SDK1: variants seen among roughly 807,000 people sequenced by gnomAD.
The protein encoded by SDK1 is sidekick cell adhesion molecule 1.
A neutral mutation model predicts 245.5 loss-of-function variants in SDK1; 157 were observed. That is an observed-to-expected ratio of 0.64 (90% CI 0.56 to 0.73). The LOEUF (loss-of-function observed/expected upper bound fraction) is 0.73, where lower values mean the gene tolerates loss of function less well. SDK1 is among the 30% of genes least tolerant of loss of function. The pLI, the probability that SDK1 is intolerant of heterozygous loss-of-function variation, is 0.00. For missense variants in SDK1, 3,583 were observed against 3,002.3 expected, an observed-to-expected ratio of 1.19 and a Z score of -4.52; for synonymous variants, 1,647 against 1,278.5, an observed-to-expected ratio of 1.29 and a Z score of -6.15.
intron 30 of SDK1, among the ~76,000 whole-genome samples, chr7:4,152,872 C>A (rs555597465): frequency 9.2e-5 from 14 of 152,140 alleles, no homozygotes; most frequent in African/African-American, 3.4e-4. Flanking sequence ...GGGTCGAGAC[C>A]CCCAGGGAGA....
intron 4 of SDK1, among the ~76,000 whole-genome samples, chr7:3,791,436 T>A (rs750827250): frequency 3.3e-5 from 5 of 152,216 alleles, no homozygotes; most frequent in East Asian, 1.9e-4. Context: ...AAGGAAAGAC[T>A]GACTTCGTGG....
intron 1 of SDK1, among the ~76,000 whole-genome samples, chr7:3,390,906 G>C (rs1781733501): frequency 6.6e-6 from 1 of 152,086 alleles, no homozygotes; most frequent in Non-Finnish European, 1.5e-5. Flanking sequence ...TATGTCTTCT[G>C]ACAAGTAAAA....
In SDK1 at chr7:3,995,717, G is replaced by C. The variant is rs1784651446; in HGVS notation, c.2131+8395G>C. ...GTTTTAGTTTGTGTTTCGACTGCTA[G>C]TATTCTTGAACCCATTCTGCCAAGT... is the stretch of plus-strand genomic sequence containing the variant. On this transcript the variant is annotated intron_variant, in intron 14 of 44. Transcript: ENST00000404826. Among the ~76,000 whole-genome samples the C allele has an allele frequency of 2.0e-5, 3 of 152,166 alleles. No individual in the cohort carries two copies. The South Asian group carries it at 6.2e-4, about 32-fold the overall frequency.
chr7:3,994,136 A>G (rs1290690371), intron 14 of SDK1, among the ~76,000 whole-genome samples: 2 of 152,102 alleles, frequency 1.3e-5, no homozygotes, highest in Non-Finnish European at 2.9e-5. Context: ...ATGCTTTTCT[A>G]GGGATCTCAT....
At position 3,676,412 on chromosome 7, in the gene SDK1, A is replaced by G. The variant is rs945984280; in HGVS notation, c.713+34307A>G. Among the ~76,000 whole-genome samples the G allele has an allele frequency of 6.3e-5, 9 of 143,206 alleles. No homozygotes were observed. The East Asian group carries it at 1.4e-3, about 23-fold the overall frequency. 93.9% of individuals were successfully genotyped at this position (143,206 alleles called of 152,430 possible). ...GCAGTCTCAGCTCAGTGCAAGCTCC[A>G]CCTCCCAGGTTCACACCATTCTCCT... On this transcript the variant is annotated intron_variant, in intron 4 of 44. Transcript: ENST00000404826.
At chr7:4,170,145 A>C (rs568339504) in intron 32 of SDK1, among the ~76,000 whole-genome samples, 1 of 152,316 alleles carries the variant, frequency 6.6e-6, no homozygotes, top group African/African-American at 2.4e-5. Flanking sequence ...GATGCCTTAC[A>C]GAATAAGGGT....
chr7:3,336,527 G>A (rs147633510), intron 1 of SDK1, among the ~76,000 whole-genome samples: 13 of 152,246 alleles, frequency 8.5e-5, no homozygotes, highest in African/African-American at 3.1e-4. Flanking sequence ...ATCATCCCCT[G>A]GTGGGGAGGT....
At chr7:3,608,462 A>G (rs1338533512) in intron 1 of SDK1, among the ~76,000 whole-genome samples, 2 of 152,228 alleles carry the variant, frequency 1.3e-5, no homozygotes, top group East Asian at 1.9e-4. Context: ...AGCTTGTTGC[A>G]TCAATGAAAA....
At chr7:3,760,526 A>G (rs1259050282) in intron 4 of SDK1, among the ~76,000 whole-genome samples, 1 of 152,246 alleles carries the variant, frequency 6.6e-6, no homozygotes, top group Non-Finnish European at 1.5e-5. Flanking sequence ...ATGTTTGCCA[A>G]ATAAATCTCT....
intron 1 of SDK1, among the ~76,000 whole-genome samples, chr7:3,490,486 C>T (rs1781833766): frequency 6.6e-6 from 1 of 152,144 alleles, no homozygotes; most frequent in Non-Finnish European, 1.5e-5. Flanking sequence ...TTCTGTATAT[C>T]ATTTTAAAGA....
At chr7:3,749,102 A>G (rs964287641) in intron 4 of SDK1, among the ~76,000 whole-genome samples, 1 of 152,200 alleles carries the variant, frequency 6.6e-6, no homozygotes, top group African/African-American at 2.4e-5. Flanking sequence ...GATATAATAG[A>G]TAAGTACATG....
At chr7:3,757,613 TAGG>T (rs1779969649) in intron 4 of SDK1, among the ~76,000 whole-genome samples, 2 of 152,128 alleles carry the variant, frequency 1.3e-5, no homozygotes, top group South Asian at 4.1e-4. Flanking sequence ...AGGAGATGCA[TAGG>T]GCAGGTGTGG....
chr7:3,528,740 C>T (rs377522885), intron 1 of SDK1, among the ~76,000 whole-genome samples: 2 of 152,104 alleles, frequency 1.3e-5, no homozygotes, highest in South Asian at 4.2e-4. Context: ...ATTAGATCTG[C>T]AGAATGAGGG....
Position 4,268,493 on chromosome 7 carries a change from GGC to G in SDK1, c.*3110_*3111del. On this transcript the variant is annotated 3_prime_UTR_variant, in exon 45 of 45. Coordinates refer to ENST00000404826, the MANE Select transcript of SDK1 (RefSeq NM_152744.4). Reference sequence around the variant, plus strand: ...TCAATGCTGTAGCCAAAAAACGAGGGGCCCCAGGGAGAGGGGACCCAGATGGC... The same window carrying G: ...TCAATGCTGTAGCCAAAAAACGAGGGCCCAGGGAGAGGGGACCCAGATGGC... 8.5e-7 allele frequency: 1 copy of G among 1,175,384 alleles called. No individual in the cohort carries two copies. The highest frequency in any genetic ancestry group is 1.1e-6 in the Non-Finnish European group (1 of 931,262). 72.8% of individuals were successfully genotyped at this position (1,175,384 alleles called of 1,614,324 possible).
chr7:4,015,764 G>A (rs1786346132), intron 16 of SDK1, among the ~76,000 whole-genome samples: 1 of 152,196 alleles, frequency 6.6e-6, no homozygotes, highest in Non-Finnish European at 1.5e-5. Context: ...CAAGCCCAGA[G>A]GCCACTTGCT....
chr7:3,470,647 T>C (rs1583906490), intron 1 of SDK1, among the ~76,000 whole-genome samples: 1 of 152,106 alleles, frequency 6.6e-6, no homozygotes, highest in African/African-American at 2.4e-5. Context: ...AGGAAAATCT[T>C]ACAAAGAGTT....
chr7:3,948,582 G>A (rs1399743876), intron 5 of SDK1, among the ~76,000 whole-genome samples: 4 of 152,204 alleles, frequency 2.6e-5, no homozygotes, highest in Non-Finnish European at 4.4e-5. Flanking sequence ...TTTTAAGGCT[G>A]TAGGTGAATC....
intron 35 of SDK1, among the ~76,000 whole-genome samples, chr7:4,198,037 G>T (rs1783681553): frequency 6.6e-6 from 1 of 152,232 alleles, no homozygotes; most frequent in Admixed American, 6.5e-5. Flanking sequence ...AGGCAGCGAG[G>T]CCCTGTGGAA....
intron 4 of SDK1, among the ~76,000 whole-genome samples, chr7:3,762,298 A>G (rs957069522): frequency 6.6e-6 from 1 of 152,104 alleles, no homozygotes; most frequent in Non-Finnish European, 1.5e-5. Context: ...TGATGATGGC[A>G]TTTGTGGAGA....
Sources: allele counts gnomAD v4.1 joint callset (sites outside exome capture counted in the v4.1 genomes callset), GRCh38; gene constraint gnomAD v4.1.1; transcripts MANE v1.5; gene names NCBI Gene and HGNC (gene_info 2026-07-23, HGNC 2026-07-21).